COG4: variants seen among roughly 807,000 people sequenced by gnomAD.
COG4 encodes the protein conserved oligomeric Golgi complex subunit 4.
In COG4, 65 loss-of-function variants were observed where a neutral mutation model predicts 95.1. The observed-to-expected ratio is 0.68, with a 90% confidence interval of 0.56 to 0.84. The LOEUF is 0.84. COG4 is among the 40% of genes least tolerant of loss of function. COG4 has a pLI of 0.00. For synonymous variants in COG4, 421 were observed against 374.8 expected (o/e 1.12, Z -1.42); for missense variants, 1,045 against 989.1 (o/e 1.06, Z -0.76).
chr16:70,481,089 A>G lies in COG4; in HGVS notation c.2291T>C (p.Leu764Pro), dbSNP rs1232039880. 3 of 1,613,284 alleles carry G rather than the reference A, an allele frequency of 1.9e-6. No homozygotes were observed. The African/African-American group carries it at 4.0e-5, about 22-fold the overall frequency. ...GPNSGPLTWR[L>P]TPAEVRQVLA... ...CACCTGGCGCACTTCAGCAGGGGTG[A>G]GGCGCCACGTCAATGGGCCGGAATT... is the stretch of plus-strand genomic sequence containing the variant. The change falls in exon 19 of 19, where the codon CTC (leucine) becomes CCC (proline). Residue 764 changes from leucine to proline, a missense_variant. Transcript: ENST00000323786.
At chr16:70,497,436 T>A (rs770510723) in intron 10 of COG4, 49 bp from the exon 11 acceptor site, 1 of 1,577,388 alleles carries the variant, frequency 6.3e-7, no homozygotes, top group Non-Finnish European at 8.7e-7. Context: ...GTGCATGTCA[T>A]GTTCTAGATG....
intron 11 of COG4, 128 bp downstream of exon 11, chr16:70,497,093 G>A: frequency 1.1e-6 from 1 of 933,674 alleles, no homozygotes; most frequent in South Asian, 1.4e-5. Flanking sequence ...ACTATCTTAG[G>A]GATAGGAGCT....
chr16:70,482,859 G>A (rs900516372), intron 14 of COG4, 38 bp from the exon 15 acceptor site: 2 of 1,503,158 alleles, frequency 1.3e-6, no homozygotes, highest in African/African-American at 2.8e-5. Flanking sequence ...GACACAGAAG[G>A]CACGACTCAT....
Position 70,482,777 on chromosome 16 carries a change from C to T in COG4, c.1872G>A (p.Val624=). The change falls in exon 15 of 19, where the codon GTG becomes GTA. Residue 624 remains valine, a synonymous_variant. Transcript: ENST00000323786. The part of the protein sequence containing the change: ...ELNSTAIKPQ[V]QPWINSFFSV... Reference sequence around the variant, plus strand: ...AGAAAAAGCTGTTGATCCAAGGCTGCACCTGTGGCTTGATGGCTGTGCTGT... The same window carrying T: ...AGAAAAAGCTGTTGATCCAAGGCTGTACCTGTGGCTTGATGGCTGTGCTGT... The T allele has an allele frequency of 6.2e-7, 1 of 1,613,902 alleles. No individual in the cohort carries two copies. Among genetic ancestry groups the T allele is most frequent in the Non-Finnish European group, 8.5e-7 (1 of 1,179,906 alleles).
intron 17 of COG4, 71 bp downstream of exon 17, chr16:70,481,693 G>A: frequency 6.3e-6 from 9 of 1,425,670 alleles, no homozygotes; most frequent in South Asian, 3.5e-5. Flanking sequence ...GCAAGTCCTG[G>A]GGGTGGTGGC....
At chr16:70,494,831 A>G (rs2049307591) in intron 12 of COG4, among the ~76,000 whole-genome samples, 1 of 152,218 alleles carries the variant, frequency 6.6e-6, no homozygotes, top group Admixed American at 6.5e-5. Flanking sequence ...CTCCAAAGGT[A>G]ACAACTTTCA....
chr16:70,498,994 C>T (rs910498885), intron 9 of COG4, among the ~76,000 whole-genome samples: 6 of 152,264 alleles, frequency 3.9e-5, no homozygotes, highest in Middle Eastern at 3.4e-3. Flanking sequence ...GCGCGAGGAT[C>T]GCTTGGGTCC....
chr16:70,516,322 A>G (rs1172628653), intron 3 of COG4, among the ~76,000 whole-genome samples: 2 of 150,142 alleles, frequency 1.3e-5, no homozygotes, highest in African/African-American at 4.9e-5. Flanking sequence ...TTTTTGAGAC[A>G]GAATCTCTCT....
chr16:70,497,048 A>G (rs530498095), intron 11 of COG4, among the ~76,000 whole-genome samples, 173 bp downstream of exon 11: 2 of 152,330 alleles, frequency 1.3e-5, no homozygotes, highest in African/African-American at 4.8e-5. Flanking sequence ...CCCATGAGAT[A>G]TATGGCTGAC....
chr16:70,522,069 T>C (rs1281459702), intron 1 of COG4, among the ~76,000 whole-genome samples: 9 of 128,344 alleles, frequency 7.0e-5, no homozygotes, highest in Non-Finnish European at 1.2e-4. Flanking sequence ...GCTATCTTGG[T>C]TCACTGCAAC....
At chr16:70,516,955 C>T (rs908546668) in intron 3 of COG4, among the ~76,000 whole-genome samples, 4 of 151,888 alleles carry the variant, frequency 2.6e-5, no homozygotes, top group Non-Finnish European at 4.4e-5. Flanking sequence ...AGTAGAGACA[C>T]GGCTTCGCCA....
intron 9 of COG4, among the ~76,000 whole-genome samples, chr16:70,499,047 C>G (rs916313527): frequency 6.6e-6 from 1 of 152,066 alleles, no homozygotes; most frequent in African/African-American, 2.4e-5. Flanking sequence ...AATACTCTGT[C>G]TCTACAAAAA....
At chr16:70,489,823 TTG>T (rs2049208630) in intron 13 of COG4, among the ~76,000 whole-genome samples, 1 of 151,950 alleles carries the variant, frequency 6.6e-6, no homozygotes, top group Non-Finnish European at 1.5e-5. Flanking sequence ...AAGATCTAAT[TTG>T]TGTGTTATTT....
At chr16:70,512,511 TC>T in intron 4 of COG4, 79 bp from the exon 5 acceptor site, 1 of 1,188,096 alleles carries the variant, frequency 8.4e-7, no homozygotes, top group Admixed American at 1.9e-5. Flanking sequence ...GTAATACTAT[TC>T]ATCCAGCAAA....
In COG4 at chr16:70,495,397, C is replaced by CAA. The variant is rs11382671; in HGVS notation, c.1647+867_1647+868dup. Among the ~76,000 whole-genome samples the CAA allele has an allele frequency of 1.6e-3, 183 of 111,256 alleles. 1 individual carries two copies. The highest frequency in any genetic ancestry group is 4.8e-3 in the Middle Eastern group (1 of 210). 73.0% of individuals were successfully genotyped at this position (111,256 alleles called of 152,430 possible). A position where few individuals can be genotyped will look rare whatever the true frequency, so the allele number is the denominator to read the frequency against. ...GGGGAACAAGAGCAAGACTCCATCT[C>CAA]AAAAAAAAAAAAAAAAGAATCTGAT... On this transcript the variant is annotated intron_variant, in intron 12 of 18. Transcript: ENST00000323786.
In COG4 at chr16:70,509,973, T is replaced by A. The variant is rs1249842381; in HGVS notation, c.787A>T (p.Met263Leu). 6.2e-7 allele frequency: 1 copy of A among 1,613,944 alleles called. No individual in the cohort carries two copies. The change falls in exon 6 of 19, where the codon ATG becomes TTG. Residue 263 changes from methionine (M) to leucine (L), a missense_variant. Transcript: ENST00000323786. ...ENLLMVLGTD[M>L]SDRRAAVIFA... ...ATGACTGCAGCTCTCCGATCACTCA[T>A]GTCTGTCCCCAGCACCATGAGCAGA...
rs1178852836 is a variant in COG4, at chr16:70,481,069, G to C, written c.2311C>G (p.Gln771Glu). 1 of 1,613,420 alleles carries C rather than the reference G, an allele frequency of 6.2e-7. No homozygotes were observed. The highest frequency in any genetic ancestry group is 8.5e-7 in the Non-Finnish European group (1 of 1,180,048). Residue 771 changes from glutamine to glutamate, a missense_variant, in exon 19 of 19, where the codon CAG becomes GAG. Gln to Glu is a conservative substitution (Grantham distance 29). Coordinates refer to ENST00000323786, the MANE Select transcript of COG4 (RefSeq NM_015386.3). ...AAGTCTATCCGCAGGGCCAGCACCT[G>C]GCGCACTTCAGCAGGGGTGAGGCGC... ...TWRLTPAEVRQVLALRIDFRS... is the reference protein window; with the variant it reads ...TWRLTPAEVREVLALRIDFRS...
intron 4 of COG4, 72 bp downstream of exon 4, chr16:70,514,263 T>C: frequency 7.2e-7 from 1 of 1,388,184 alleles, no homozygotes; most frequent in Non-Finnish European, 1.0e-6. Flanking sequence ...GTGTTTTTAT[T>C]GGTCGAGTCT....
chr16:70,512,194 G>A (rs778779700), intron 5 of COG4, 45 bp downstream of exon 5: 35 of 1,577,980 alleles, frequency 2.2e-5, no homozygotes, highest in Non-Finnish European at 3.0e-5. Flanking sequence ...CAATCTGCAG[G>A]CAGACAGCCA....
Sources: allele counts gnomAD v4.1 joint callset (sites outside exome capture counted in the v4.1 genomes callset), GRCh38; gene constraint gnomAD v4.1.1; transcripts MANE v1.5; gene names NCBI Gene and HGNC (gene_info 2026-07-23, HGNC 2026-07-21).